SP1: variants seen among roughly 807,000 people sequenced by gnomAD.
SP1 encodes the protein transcription factor Sp1.
SP1 carries 6 observed loss-of-function variants against 66.3 expected under a neutral mutation model. The ratio of observed to expected loss-of-function variants is 0.09; its 90% confidence interval spans 0.05 to 0.18. SP1 has a LOEUF of 0.18. Among genes scored for constraint, SP1 ranks in the 10% least tolerant of loss-of-function variants. The pLI, the probability that SP1 is intolerant of heterozygous loss-of-function variation, is 1.00. For synonymous variants in SP1, 417 were observed against 360.8 expected (o/e 1.16, Z -1.77); for missense variants, 848 against 964.5 (o/e 0.88, Z 1.60).
intron 3 of SP1, 46 bp downstream of exon 3, chr12:53,383,668 T>C: frequency 6.7e-7 from 1 of 1,485,544 alleles, no homozygotes; most frequent in South Asian, 1.2e-5. Context: ...AACTCTAGCA[T>C]CGTAGCTGAA....
chr12:53,398,832 ACAGT>A (rs943346758), intron 3 of SP1, among the ~76,000 whole-genome samples: 2 of 152,210 alleles, frequency 1.3e-5, no homozygotes, highest in Non-Finnish European at 2.9e-5. Context: ...TCGATTAAAA[ACAGT>A]CAAACAATGC....
At chr12:53,389,216 C>CTTTTTTTTT in intron 3 of SP1, among the ~76,000 whole-genome samples, 1 of 106,730 alleles carries the variant, frequency 9.4e-6, no homozygotes, top group Non-Finnish European at 1.9e-5. Context: ...TTAAAATGAT[C>CTTTTTTTTT]TTTTTTTTTT....
At position 53,382,115 on chromosome 12, in the gene SP1, C is replaced by G. The variant is rs533506401; in HGVS notation, c.168C>G (p.Ser56=). Residue 56 remains serine, a synonymous_variant, in exon 3 of 6, where the codon TCC becomes TCG. Coordinates refer to ENST00000327443, the MANE Select transcript of SP1 (RefSeq NM_138473.3). ...SSSTGGGGQE[S]QPSPLALLAA... ...TCTCCCTTATTTTCGGCCAGGAGTC[C>G]CAGCCATCCCCTTTGGCTCTGCTGG... 2.5e-6 allele frequency: 4 copies of G among 1,613,494 alleles called. No homozygotes were observed. Among genetic ancestry groups the G allele is most frequent in the Non-Finnish European group, 3.4e-6 (4 of 1,179,664 alleles).
chr12:53,394,045 G>A (rs994119916), intron 3 of SP1, among the ~76,000 whole-genome samples: 4 of 151,818 alleles, frequency 2.6e-5, no homozygotes, highest in East Asian at 3.9e-4. Flanking sequence ...AGAAACCCCC[G>A]TCTGTACTAA....
At chr12:53,386,042 G>A (rs533676238) in intron 3 of SP1, among the ~76,000 whole-genome samples, 1 of 152,298 alleles carries the variant, frequency 6.6e-6, no homozygotes, top group African/African-American at 2.4e-5. Flanking sequence ...TTTCAACGAA[G>A]TAAGTTCCCT....
intron 5 of SP1, among the ~76,000 whole-genome samples, chr12:53,410,652 C>T (rs1452429994): frequency 6.6e-6 from 1 of 151,976 alleles, no homozygotes; most frequent in Non-Finnish European, 1.5e-5. Flanking sequence ...ACTACAGGCG[C>T]CCGCCACCAC....
intron 1 of SP1, 72 bp downstream of exon 1, chr12:53,380,370 G>T: frequency 1.6e-6 from 2 of 1,283,990 alleles, no homozygotes; most frequent in Non-Finnish European, 2.0e-6. Context: ...CCGACCGGGC[G>T]ATCCCCGCCG....
intron 3 of SP1, among the ~76,000 whole-genome samples, chr12:53,394,218 G>GAA (rs147124286): frequency 1.3e-5 from 2 of 149,366 alleles, no homozygotes. Context: ...TCCGTCTCGA[G>GAA]AAAAAAAAAG....
intron 3 of SP1, among the ~76,000 whole-genome samples, chr12:53,402,728 A>G (rs1938635757): frequency 6.6e-6 from 1 of 151,392 alleles, no homozygotes; most frequent in Non-Finnish European, 1.5e-5. Flanking sequence ...TCACTTTGGG[A>G]GGTCGAGGCG....
At chr12:53,409,673 A>G (rs1938834071) in intron 5 of SP1, 112 bp downstream of exon 5, 4 of 884,322 alleles carry the variant, frequency 4.5e-6, no homozygotes, top group South Asian at 3.3e-5. Context: ...AACTGAATAT[A>G]TGGGTCACAA....
At chr12:53,385,323 C>T (rs1439661829) in intron 3 of SP1, among the ~76,000 whole-genome samples, 4 of 150,434 alleles carry the variant, frequency 2.7e-5, no homozygotes, top group South Asian at 4.2e-4. Context: ...CGGCCGGGCG[C>T]GGTGGCTCAC....
In SP1 at chr12:53,413,615, A is replaced by C. The variant is rs192199955; in HGVS notation, c.*2375A>C. 6.6e-6 allele frequency: 1 copy of C among 152,610 alleles called. No homozygotes were observed. The highest frequency in any genetic ancestry group is 1.5e-5 in the Non-Finnish European group (1 of 68,038). 9.5% of individuals were successfully genotyped at this position (152,610 alleles called of 1,614,324 possible). A position where few individuals can be genotyped will look rare whatever the true frequency, so the allele number is the denominator to read the frequency against. ...TACAAGTCATCCATGCACAGCCACT[A>C]TCATACCCTTTATTCTCACTGAAAG... is the stretch of plus-strand genomic sequence containing the variant. On this transcript the variant is annotated 3_prime_UTR_variant, in exon 6 of 6. Coordinates refer to ENST00000327443, the MANE Select transcript of SP1 (RefSeq NM_138473.3).
In SP1 at chr12:53,389,303, C is replaced by T. The variant is rs866730272; in HGVS notation, c.1675+5681C>T. Among the ~76,000 whole-genome samples, 13 of 148,208 alleles carry T rather than the reference C, an allele frequency of 8.8e-5. 1 individual carries two copies. The South Asian group carries it at 2.8e-3, about 32-fold the overall frequency. ...ATGGTGTGGTCTCGGCTCACTGCAA[C>T]CTTTGCCTCCTGGGTTCAAGCAATT... On this transcript the variant is annotated intron_variant, in intron 3 of 5. Transcript: ENST00000327443.
At chr12:53,399,142 G>C (rs1038538667) in intron 3 of SP1, among the ~76,000 whole-genome samples, 1 of 152,080 alleles carries the variant, frequency 6.6e-6, no homozygotes, top group Non-Finnish European at 1.5e-5. Flanking sequence ...AGAATTACTA[G>C]AATTAACTTA....
chr12:53,382,128 T>C lies in SP1; in HGVS notation c.181T>C (p.Leu61=). Residue 61 remains leucine (L), a synonymous_variant, in exon 3 of 6, where the codon TTG becomes CTG. Coordinates refer to ENST00000327443, the MANE Select transcript of SP1 (RefSeq NM_138473.3). ...GGGQESQPSP[L]ALLAATCSRI... is the part of the protein sequence containing the mutation. The stretch of plus-strand genomic sequence containing the variant: ...CGGCCAGGAGTCCCAGCCATCCCCT[T>C]TGGCTCTGCTGGCAGCAACTTGCAG... The C allele has an allele frequency of 1.9e-6, 3 of 1,614,052 alleles. No homozygotes were observed. The highest frequency in any genetic ancestry group is 2.5e-6 in the Non-Finnish European group (3 of 1,179,990).
Position 53,412,852 on chromosome 12 carries a change from A to T in SP1, c.*1612A>T, listed in dbSNP as rs1938922582. On this transcript the variant is annotated 3_prime_UTR_variant, in exon 6 of 6. Transcript: ENST00000327443. ...CCAGAATTGTCCTCAAGGCCCAGCC[A>T]TAAAAGCATTGTCTCTCTCGACCTT... is the stretch of plus-strand genomic sequence containing the variant. The T allele has an allele frequency of 6.6e-6, 1 of 152,592 alleles. No individual in the cohort carries two copies. The highest frequency in any genetic ancestry group is 2.4e-5 in the African/African-American group (1 of 41,436). The allele number at this position is 152,592 out of a possible 1,614,324, so 9.5% of individuals were successfully genotyped here. A position where few individuals can be genotyped will look rare whatever the true frequency, so the allele number is the denominator to read the frequency against.
intron 4 of SP1, 83 bp from the exon 5 acceptor site, chr12:53,409,279 C>G (rs908139339): frequency 8.7e-7 from 1 of 1,155,120 alleles, no homozygotes; most frequent in Non-Finnish European, 1.2e-6. Flanking sequence ...AGTTTGGTGT[C>G]GATTGGGTGA....
chr12:53,405,617 C>T (rs529587677), intron 3 of SP1, among the ~76,000 whole-genome samples: 4 of 151,598 alleles, frequency 2.6e-5, no homozygotes, highest in African/African-American at 7.3e-5. Context: ...TTGCAGTGAG[C>T]CCAGATAATG....
intron 3 of SP1, among the ~76,000 whole-genome samples, chr12:53,391,274 T>G (rs1442559868): frequency 6.6e-6 from 1 of 152,026 alleles, no homozygotes; most frequent in Non-Finnish European, 1.5e-5. Flanking sequence ...ATGACTATAT[T>G]GTTAATACTG....
Sources: allele counts gnomAD v4.1 joint callset (sites outside exome capture counted in the v4.1 genomes callset), GRCh38; gene constraint gnomAD v4.1.1; transcripts MANE v1.5; gene names NCBI Gene and HGNC (gene_info 2026-07-23, HGNC 2026-07-21).